The following RICTOR variants were observed in gnomAD, a reference collection of about 807,000 sequenced individuals.
RICTOR encodes the protein rapamycin-insensitive companion of mTOR.
RICTOR carries 49 observed loss-of-function variants against 214.9 expected under a neutral mutation model. The observed-to-expected ratio is 0.23, with a 90% CI of 0.18 to 0.29. The LOEUF (loss-of-function observed/expected upper bound fraction) is 0.29, where lower values mean the gene tolerates loss of function less well. Among genes scored for constraint, RICTOR ranks in the 10% least tolerant of loss-of-function variants. RICTOR has a pLI of 1.00. For synonymous variants in RICTOR, 717 were observed against 711.3 expected, an observed-to-expected ratio of 1.01 and a Z score of -0.13; for missense variants, 1,625 against 2,047.0, an observed-to-expected ratio of 0.79 and a Z score of 3.98.
intron 5 of RICTOR, among the ~76,000 whole-genome samples, chr5:38,997,382 T>C (rs985776384): frequency 6.6e-6 from 1 of 152,196 alleles, no homozygotes; most frequent in Non-Finnish European, 1.5e-5. Flanking sequence ...TCCAAACAAA[T>C]AGCACCAAAC....
chr5:38,978,689 TA>T, intron 8 of RICTOR, 39 bp from the exon 9 acceptor site: 1 of 982,624 alleles, frequency 1.0e-6, no homozygotes, highest in Non-Finnish European at 1.6e-6. Context: ...GTCTTTATTT[TA>T]AAATGCATCC....
At position 39,016,261 on chromosome 5, in the gene RICTOR, T is replaced by C. The variant is rs116218238; in HGVS notation, c.195+4778A>G. On this transcript the variant is annotated intron_variant, in intron 3 of 37. Transcript: ENST00000357387. Reference sequence around the variant, plus strand: ...CAAAAAGTACAAAAAGTTTAGAGCCTTCATTACAGAGATACACTGCATACT... The same window carrying C: ...CAAAAAGTACAAAAAGTTTAGAGCCCTCATTACAGAGATACACTGCATACT... 7.9e-3 allele frequency among the ~76,000 whole-genome samples: 1,172 copies of C among 147,910 alleles called. 21 individuals are homozygous for C. The highest frequency in any genetic ancestry group is 0.028 in the African/African-American group (1,141 of 40,122).
In RICTOR at chr5:39,046,013, C is replaced by T. The variant is rs358517; in HGVS notation, c.98-24877G>A. Among the ~76,000 whole-genome samples the T allele has an allele frequency of 4.9e-5, 5 of 101,834 alleles. No homozygotes were observed. In the East Asian group the frequency reaches 1.1e-3, roughly 23 times the overall value. The allele number at this position is 101,834 out of a possible 152,430, so 66.8% of individuals were successfully genotyped here. ...CTTCATGGATCGTCAGTCTCTTTCA[C>T]TAGCTCTGTCTTTAAAAATAAATAA... On this transcript the variant is annotated intron_variant, in intron 2 of 37. Coordinates refer to ENST00000357387, the MANE Select transcript of RICTOR (RefSeq NM_152756.5).
chr5:39,045,641 TTA>T (rs1757436334), intron 2 of RICTOR, among the ~76,000 whole-genome samples: 1 of 152,182 alleles, frequency 6.6e-6, no homozygotes, highest in South Asian at 2.1e-4. Flanking sequence ...ACATTAATTT[TTA>T]TATATAGATA....
chr5:38,941,120 C>G lies in RICTOR; in HGVS notation c.*1184G>C, dbSNP rs956485613. On this transcript the variant is annotated 3_prime_UTR_variant, in exon 38 of 38. Transcript: ENST00000357387. The stretch of plus-strand genomic sequence containing the variant: ...AGTTCCAAATACCTTTAGACATATA[C>G]AAATTAAACAAACAAAAACCTTGCC... 1.3e-5 allele frequency: 3 copies of G among 232,618 alleles called. No individual in the cohort carries two copies. Among genetic ancestry groups the G allele is most frequent in the Non-Finnish European group, 2.6e-5 (3 of 117,552 alleles). The allele number at this position is 232,618 out of a possible 1,614,324, so 14.4% of individuals were successfully genotyped here. A position where few individuals can be genotyped will look rare whatever the true frequency, so the allele number is the denominator to read the frequency against.
At chr5:39,055,033 T>C (rs914804132) in intron 2 of RICTOR, among the ~76,000 whole-genome samples, 2 of 152,210 alleles carry the variant, frequency 1.3e-5, no homozygotes, top group Non-Finnish European at 2.9e-5. Flanking sequence ...TTCATTCACT[T>C]ATTAATTCAG....
intron 2 of RICTOR, among the ~76,000 whole-genome samples, chr5:39,066,506 A>C (rs1758915596): frequency 6.6e-6 from 1 of 152,256 alleles, no homozygotes; most frequent in Non-Finnish European, 1.5e-5. Flanking sequence ...AAATATCTCT[A>C]GCACGTGGTT....
rs192481356 is a variant in RICTOR at position 39,069,889 on chromosome 5, C to A, written c.97+4222G>T. Among the ~76,000 whole-genome samples, 766 of 152,308 alleles carry A rather than the reference C, an allele frequency of 5.0e-3. 6 individuals carry two copies. Among genetic ancestry groups the A allele is most frequent in the Non-Finnish European group, 9.5e-3 (647 of 68,024 alleles). On this transcript the variant is annotated intron_variant, in intron 2 of 37. Transcript: ENST00000357387. ...ACCCCTCTATGAGACTTCTCTGATC[C>A]TTTTACCCACCAGACAGTTAATCAT...
Position 38,962,548 on chromosome 5 carries a change from G to A in RICTOR, c.1605C>T (p.Ser535=), listed in dbSNP as rs1749884030. Residue 535 remains serine (S), a synonymous_variant, in exon 18 of 38, where the codon AGC becomes AGT. Transcript: ENST00000357387. ...EEALLINLRD[S]QVLQHKENLE... is the part of the protein sequence containing the mutation. ...GATTCTCTTTATGTTGAAGGACTTG[G>A]CTATCTCTAAGGTTAATTAAAAGAG... The A allele has an allele frequency of 1.3e-6, 2 of 1,583,902 alleles. No homozygotes were observed. The highest frequency in any genetic ancestry group is 1.3e-5 in the African/African-American group (1 of 74,160).
At chr5:38,964,343 CAGG>C (rs1461287754) in intron 16 of RICTOR, among the ~76,000 whole-genome samples, 1 of 151,758 alleles carries the variant, frequency 6.6e-6, no homozygotes, top group African/African-American at 2.4e-5. Flanking sequence ...CCTTTAGTAG[CAGG>C]AGTTCAGCTT....
intron 2 of RICTOR, among the ~76,000 whole-genome samples, chr5:39,059,167 AAGAC>A (rs1287541269): frequency 1.3e-5 from 2 of 152,186 alleles, no homozygotes; most frequent in Non-Finnish European, 2.9e-5. Flanking sequence ...ACATGGTGAT[AAGAC>A]ATAACATCAG....
At chr5:39,067,399 C>T (rs1040264890) in intron 2 of RICTOR, among the ~76,000 whole-genome samples, 2 of 152,146 alleles carry the variant, frequency 1.3e-5, no homozygotes, top group Non-Finnish European at 2.9e-5. Context: ...CAAACACCTC[C>T]CACCAAGCCC....
At chr5:39,045,708 T>G (rs570229547) in intron 2 of RICTOR, among the ~76,000 whole-genome samples, 1 of 152,288 alleles carries the variant, frequency 6.6e-6, no homozygotes, top group East Asian at 1.9e-4. Context: ...GTACAGCTAC[T>G]TTCATGCTTC....
Position 39,074,104 on chromosome 5 carries a change from G to C in RICTOR, c.97+7C>G, listed in dbSNP as rs969924715. The C allele has an allele frequency of 6.4e-7, 1 of 1,559,542 alleles. No individual in the cohort carries two copies. Among genetic ancestry groups the C allele is most frequent in the Non-Finnish European group, 8.7e-7 (1 of 1,155,600 alleles). ...GCCCTCGCGGCGCCCGCGGCGCCCC[G>C]CGTTACCTCGGGTCAGATCCAGCGG... is the stretch of plus-strand genomic sequence containing the variant. On this transcript the variant is annotated splice_region_variant and intron_variant, in intron 2 of 37. Coordinates refer to ENST00000357387, the MANE Select transcript of RICTOR (RefSeq NM_152756.5).
chr5:38,959,862 A>C lies in RICTOR; in HGVS notation c.1968T>G (p.Ser656Arg). 6.2e-7 allele frequency: 1 copy of C among 1,613,158 alleles called. No individual in the cohort carries two copies. The highest frequency in any genetic ancestry group is 8.5e-7 in the Non-Finnish European group (1 of 1,179,228). Residue 656 changes from serine (S) to arginine (R), a missense_variant, in exon 21 of 38, where the codon AGT (serine) becomes AGG (arginine). This residue lies in a region of RICTOR where 1,214 missense variants were observed against 1,470.5 expected (regional missense o/e 0.83). Transcript: ENST00000357387. The stretch of plus-strand genomic sequence containing the variant: ...TTCCAATAAATAAAAAGTAGTGTTG[A>C]CTAAGGGTGGTCAATAAACCATTAT... The part of the protein sequence containing the change: ...LQNNGLLTTL[S>R]QHYFLFIGTL...
rs748484863 is a variant in RICTOR, at chr5:38,947,445, T to G, written c.4137-4A>C. On this transcript the variant is annotated splice_region_variant and splice_polypyrimidine_tract_variant and intron_variant, in intron 31 of 37. Transcript: ENST00000357387. ...ATAACTTAAGGCTTTCATGAACCTA[T>G]AAAACCATAAAGAAACCACTTGCAT... 1 of 1,595,328 alleles carries G rather than the reference T, an allele frequency of 6.3e-7. No homozygotes were observed. Among genetic ancestry groups the G allele is most frequent in the South Asian group, 1.1e-5 (1 of 90,286 alleles).
chr5:38,985,032 C>A (rs1461037741), intron 7 of RICTOR, among the ~76,000 whole-genome samples: 1 of 152,098 alleles, frequency 6.6e-6, no homozygotes, highest in East Asian at 1.9e-4. Flanking sequence ...AGGATGGTCT[C>A]GATCTCTTGA....
intron 8 of RICTOR, chr5:38,981,137 T>C (rs563498765): frequency 2.6e-5 from 4 of 152,264 alleles, no homozygotes; most frequent in Admixed American, 6.5e-5. Context: ...CACTTAAGTT[T>C]CAAAAAATGA....
intron 30 of RICTOR, 124 bp downstream of exon 30, chr5:38,952,069 CTAT>C (rs1313397635): frequency 4.8e-6 from 3 of 619,448 alleles, no homozygotes; most frequent in African/African-American, 1.9e-5. Flanking sequence ...CTCCAAGAGG[CTAT>C]TATTGCCAAA....
Sources: gnomAD v4.1 joint callset for allele counts (sites outside exome capture counted in the v4.1 genomes callset) on GRCh38, gnomAD v4.1.1 for gene constraint, gnomAD v4.1.1 regional missense constraint, MANE v1.5 for transcripts, NCBI Gene and HGNC (gene_info 2026-07-23, HGNC 2026-07-21) for gene names.